Variants in PCNX2 observed in about 807,000 individuals in gnomAD.
PCNX2 encodes the protein pecanex 2.
Under a neutral mutation model 223.8 loss-of-function variants are expected in PCNX2, and 168 were observed. The observed-to-expected ratio is 0.75, with a 90% CI of 0.66 to 0.85. The LOEUF (loss-of-function observed/expected upper bound fraction) is 0.85, where lower values mean the gene tolerates loss of function less well. Ranked by LOEUF, PCNX2 falls within the 40% of genes least tolerant of loss-of-function variation. The probability of loss-of-function intolerance (pLI) is 0.00; values close to 1 mark genes in which losing one functional copy is unlikely to be tolerated. For missense variants in PCNX2, 2,507 were observed against 2,675.5 expected, an observed-to-expected ratio of 0.94 and a Z score of 1.39; for synonymous variants, 1,006 against 1,052.6, an observed-to-expected ratio of 0.96 and a Z score of 0.86.
At chr1:233,285,110 C>G in intron 1 of PCNX2, 3 of 699,448 alleles carry the variant, frequency 4.3e-6, no homozygotes, top group Non-Finnish European at 5.3e-6. Flanking sequence ...CCCAACACTT[C>G]GGGAGGCCAA....
chr1:233,091,768 CAA>C (rs913405876), intron 22 of PCNX2, among the ~76,000 whole-genome samples: 6 of 133,962 alleles, frequency 4.5e-5, no homozygotes, highest in African/African-American at 1.6e-4. Flanking sequence ...TTTTTTTTTT[CAA>C]GAGTGACTTT....
In PCNX2 at chr1:232,999,505, G is replaced by A. The variant is rs1288151773; in HGVS notation, c.5329-126C>T. On this transcript the variant is annotated intron_variant, in intron 30 of 33. Coordinates refer to ENST00000258229, the MANE Select transcript of PCNX2 (RefSeq NM_014801.4). Reference sequence around the variant, plus strand: ...TTTCGCTCTTGTTGCCCAGGCTGGAGTGCAATGGTGCAATCTCAGCTCACT... The same window carrying A: ...TTTCGCTCTTGTTGCCCAGGCTGGAATGCAATGGTGCAATCTCAGCTCACT... The A allele has an allele frequency of 2.8e-6, 3 of 1,078,882 alleles. No individual in the cohort carries two copies. The East Asian group carries it at 8.0e-5, about 29-fold the overall frequency. The allele number at this position is 1,078,882 out of a possible 1,614,324, so 66.8% of individuals were successfully genotyped here. A position where few individuals can be genotyped will look rare whatever the true frequency, so the allele number is the denominator to read the frequency against.
intron 21 of PCNX2, among the ~76,000 whole-genome samples, chr1:233,113,961 T>C (rs1438947782): frequency 2.0e-5 from 3 of 152,206 alleles, no homozygotes; most frequent in African/African-American, 7.2e-5. Flanking sequence ...TTATTTCATA[T>C]CTACTCTGTG....
chr1:233,156,939 A>G (rs191635889), intron 19 of PCNX2, among the ~76,000 whole-genome samples: 37 of 152,140 alleles, frequency 2.4e-4, no homozygotes, highest in Middle Eastern at 3.4e-3. Context: ...ACAAACAAAC[A>G]AAAAACGCAG....
chr1:233,167,352 G>C (rs999610615), intron 17 of PCNX2, among the ~76,000 whole-genome samples: 1 of 152,152 alleles, frequency 6.6e-6, no homozygotes, highest in Non-Finnish European at 1.5e-5. Flanking sequence ...GAGAGAGAGA[G>C]AGAGAGAGTC....
intron 26 of PCNX2, among the ~76,000 whole-genome samples, chr1:233,021,639 G>A (rs1343490285): frequency 3.3e-5 from 5 of 152,200 alleles, no homozygotes; most frequent in Admixed American, 3.3e-4. Flanking sequence ...GCTTGTGAGA[G>A]GCGCCATGCT....
intron 1 of PCNX2, among the ~76,000 whole-genome samples, chr1:233,281,791 A>C (rs1262691256): frequency 6.6e-6 from 1 of 152,194 alleles, no homozygotes; most frequent in Non-Finnish European, 1.5e-5. Context: ...GTCTGACCAC[A>C]GTCTGTAATA....
chr1:233,087,060 TC>T, intron 23 of PCNX2: 6 of 985,236 alleles, frequency 6.1e-6, no homozygotes, highest in Non-Finnish European at 7.2e-6. Flanking sequence ...GAACAGGAGG[TC>T]TGCAGGTTTC....
At chr1:233,073,025 G>A (rs1230334557) in intron 23 of PCNX2, among the ~76,000 whole-genome samples, 2 of 152,042 alleles carry the variant, frequency 1.3e-5, no homozygotes, top group African/African-American at 2.4e-5. Flanking sequence ...TTTCTTTGTA[G>A]GGAGTTTTTT....
intron 19 of PCNX2, among the ~76,000 whole-genome samples, chr1:233,159,114 G>A (rs1239498154): frequency 6.6e-6 from 1 of 152,164 alleles, no homozygotes; most frequent in Non-Finnish European, 1.5e-5. Flanking sequence ...GGTGGGAAGA[G>A]TAAGTCTCCA....
intron 25 of PCNX2, chr1:233,047,359 C>A (rs934258742): frequency 1.2e-5 from 12 of 983,532 alleles, no homozygotes; most frequent in Non-Finnish European, 1.4e-5. Flanking sequence ...AAAAGCACTG[C>A]AAAATTCTAA....
At chr1:233,044,572 C>G (rs549881119) in intron 25 of PCNX2, among the ~76,000 whole-genome samples, 6 of 149,396 alleles carry the variant, frequency 4.0e-5, no homozygotes, top group African/African-American at 1.5e-4. Flanking sequence ...CACTACAATC[C>G]TGTTTTCTTA....
At chr1:233,011,929 G>A (rs1257290104) in intron 28 of PCNX2, among the ~76,000 whole-genome samples, 3 of 152,138 alleles carry the variant, frequency 2.0e-5, no homozygotes, top group African/African-American at 7.2e-5. Flanking sequence ...GGAATTGTGG[G>A]ACCCCTCATG....
rs186690087 is a variant in PCNX2 at position 232,991,455 on chromosome 1, G to A, written c.5792-4915C>T. The stretch of plus-strand genomic sequence containing the variant: ...CGGGGGAGGGGTGCTCATGGGATGC[G>A]CGTGGGTGTTCCGGGCTGAATCATG... On this transcript the variant is annotated intron_variant, in intron 32 of 33. Transcript: ENST00000258229. This position sits in a 1 kb window ranked among gnomAD's most constrained non-coding sequence, Gnocchi z 4.3. 1.3e-3 allele frequency among the ~76,000 whole-genome samples: 203 copies of A among 152,194 alleles called. 1 individual carries two copies. Among genetic ancestry groups the A allele is most frequent in the East Asian group, 0.013 (66 of 5,166 alleles).
chr1:233,161,466 T>G, intron 17 of PCNX2, 103 bp from the exon 18 acceptor site: 1 of 974,920 alleles, frequency 1.0e-6, no homozygotes, highest in South Asian at 1.4e-5. Context: ...AGATAAACTG[T>G]TTTTCCAGCC....
At chr1:233,177,747 C>A (rs1323695314) in intron 17 of PCNX2, 55 bp downstream of exon 17, 6 of 1,459,446 alleles carry the variant, frequency 4.1e-6, no homozygotes. Context: ...AGAGCCTGAT[C>A]TCTGCTGAAA....
At chr1:233,195,391 T>C (rs549141339) in intron 15 of PCNX2, among the ~76,000 whole-genome samples, 46 of 152,296 alleles carry the variant, frequency 3.0e-4, no homozygotes, top group Admixed American at 9.8e-4. Flanking sequence ...TCCCCTAAAC[T>C]TGGGAGCAAG....
At chr1:233,052,427 T>A (rs576825974) in intron 25 of PCNX2, among the ~76,000 whole-genome samples, 1 of 152,318 alleles carries the variant, frequency 6.6e-6, no homozygotes, top group South Asian at 2.1e-4. Context: ...CCAAACTACC[T>A]GCTGAGAACT....
At chr1:233,158,241 T>G (rs1399601425) in intron 19 of PCNX2, among the ~76,000 whole-genome samples, 1 of 152,202 alleles carries the variant, frequency 6.6e-6, no homozygotes, top group East Asian at 1.9e-4. Context: ...TTCTACACTC[T>G]GAACTGCCAC....
Sources: allele counts gnomAD v4.1 joint callset (sites outside exome capture counted in the v4.1 genomes callset), GRCh38; gene constraint gnomAD v4.1.1; non-coding constraint Gnocchi (gnomAD v3.1); transcripts MANE v1.5; gene names NCBI Gene and HGNC (gene_info 2026-07-23, HGNC 2026-07-21).